RNF144B: variants seen among roughly 807,000 people sequenced by gnomAD.
The protein encoded by RNF144B is E3 ubiquitin-protein ligase RNF144B.
Under a neutral mutation model 40.2 loss-of-function variants are expected in RNF144B, and 25 were observed. That is an observed-to-expected ratio of 0.62 (90% confidence interval 0.45 to 0.87). The LOEUF (loss-of-function observed/expected upper bound fraction) is 0.87, where lower values mean the gene tolerates loss of function less well. Ranked by LOEUF, RNF144B falls within the 40% of genes least tolerant of loss-of-function variation. The probability of loss-of-function intolerance (pLI) is 0.00; values close to 1 mark genes in which losing one functional copy is unlikely to be tolerated. For synonymous variants in RNF144B, 145 were observed against 136.3 expected (o/e 1.06, Z -0.44); for missense variants, 365 against 373.7 (o/e 0.98, Z 0.19).
At position 18,458,494 on chromosome 6, in the gene RNF144B, T is replaced by A. The variant is rs922376280; in HGVS notation, c.537-1113T>A. On this transcript the variant is annotated intron_variant, in intron 5 of 7. Coordinates refer to ENST00000259939, the MANE Select transcript of RNF144B (RefSeq NM_182757.4). This position sits in a 1 kb window ranked among gnomAD's most constrained non-coding sequence, Gnocchi z 4.8. ...AGAGGAATAGAGAAGCTAATACACA[T>A]GGCAGGCATGTGCCCTCTTAGCCGG... Among the ~76,000 whole-genome samples, 1 of 152,194 alleles carries A rather than the reference T, an allele frequency of 6.6e-6. No homozygotes were observed. The highest frequency in any genetic ancestry group is 1.5e-5 in the Non-Finnish European group (1 of 68,032).
Position 18,405,243 on chromosome 6 carries a change from G to A in RNF144B, c.165+5544G>A, listed in dbSNP as rs556224571. ...GGCTGGAGTGCAGTGGCACAATCTC[G>A]GCTCACTGTAACTTCCGCCTCCCGG... On this transcript the variant is annotated intron_variant, in intron 2 of 7. Coordinates refer to ENST00000259939, the MANE Select transcript of RNF144B (RefSeq NM_182757.4). The surrounding 1 kb of genome is among the most constrained non-coding windows in gnomAD (Gnocchi z 4.5). Among the ~76,000 whole-genome samples the A allele has an allele frequency of 5.3e-5, 8 of 151,548 alleles. No individual in the cohort carries two copies. Among genetic ancestry groups the A allele is most frequent in the African/African-American group, 1.2e-4 (5 of 41,288 alleles).
At chr6:18,433,237 G>A (rs76071145) in intron 3 of RNF144B, among the ~76,000 whole-genome samples, 1,659 of 152,298 alleles carry the variant, frequency 0.011, 22 homozygotes, top group Middle Eastern at 0.027. Context: ...TGTGGTGTAA[G>A]GATCTGAATG....
chr6:18,437,648 C>A (rs952188598), intron 3 of RNF144B, among the ~76,000 whole-genome samples: 3 of 152,126 alleles, frequency 2.0e-5, no homozygotes, highest in African/African-American at 7.2e-5. Context: ...AATGAGAAAT[C>A]CAAAGTACCA....
rs565034063 is a variant in RNF144B at position 18,443,610 on chromosome 6, C to A, written c.331+3866C>A. ...TTGTAATCGTGTAATTCTTCATTAC[C>A]ATCCGTTATAATTATTATTGGAAAA... On this transcript the variant is annotated intron_variant, in intron 4 of 7. Transcript: ENST00000259939. The surrounding 1 kb of genome is among the most constrained non-coding windows in gnomAD (Gnocchi z 4.7). Among the ~76,000 whole-genome samples, 3 of 151,826 alleles carry A rather than the reference C, an allele frequency of 2.0e-5. No homozygotes were observed. The South Asian group carries it at 6.3e-4, about 32-fold the overall frequency.
chr6:18,395,218 C>T lies in RNF144B; in HGVS notation c.-36-4281C>T, dbSNP rs1432906311. Among the ~76,000 whole-genome samples, 1 of 152,142 alleles carries T rather than the reference C, an allele frequency of 6.6e-6. No homozygotes were observed. The highest frequency in any genetic ancestry group is 2.4e-5 in the African/African-American group (1 of 41,438). ...TTTGATAGAAATGTGAGGTATGAGG[C>T]AGTAGGAGTGAGTTAGCCTCTTTCT... is the stretch of plus-strand genomic sequence containing the variant. On this transcript the variant is annotated intron_variant, in intron 1 of 7. Transcript: ENST00000259939. The surrounding 1 kb of genome is among the most constrained non-coding windows in gnomAD (Gnocchi z 4.5).
In RNF144B at chr6:18,400,524, G is replaced by A. The variant is rs1383699420; in HGVS notation, c.165+825G>A. On this transcript the variant is annotated intron_variant, in intron 2 of 7. Transcript: ENST00000259939. The surrounding 1 kb of genome is among the most constrained non-coding windows in gnomAD (Gnocchi z 5.6). ...GAGAGCCCTATAGACCTGCAGAAGT[G>A]GGCTTATCTCTTTTAGTGTGACACC... 6.6e-6 allele frequency among the ~76,000 whole-genome samples: 1 copy of A among 152,098 alleles called. No homozygotes were observed. Among genetic ancestry groups the A allele is most frequent in the Admixed American group, 6.6e-5 (1 of 15,264 alleles).
rs1476532914 is a variant in RNF144B, at chr6:18,463,315, G to C, written c.706G>C (p.Asp236His). ...GAATGACATTTTCCTCAGACATTAT[G>C]ACAAAGGGCCATGCAGGAATAAACT... ...LDNDIFLRHY[D>H]KGPCRNKLGH... Residue 236 changes from aspartate to histidine, a missense_variant, in exon 7 of 8, where the codon GAC (aspartate) becomes CAC (histidine). Transcript: ENST00000259939. 6.2e-7 allele frequency: 1 copy of C among 1,607,826 alleles called. No individual in the cohort carries two copies. Among genetic ancestry groups the C allele is most frequent in the African/African-American group, 1.3e-5 (1 of 74,766 alleles).
At position 18,466,584 on chromosome 6, in the gene RNF144B, A is replaced by G. The variant is rs1265063435; in HGVS notation, c.*1517A>G. On this transcript the variant is annotated 3_prime_UTR_variant, in exon 8 of 8. Coordinates refer to ENST00000259939, the MANE Select transcript of RNF144B (RefSeq NM_182757.4). ...ATTATATAATTGCTATTGGCAATGT[A>G]GCCTGGTGCTTCATGAGACCTATGC... The G allele has an allele frequency of 6.5e-6, 1 of 152,674 alleles. No homozygotes were observed. The highest frequency in any genetic ancestry group is 1.5e-5 in the Non-Finnish European group (1 of 68,044). The allele number at this position is 152,674 out of a possible 1,614,324, so 9.5% of individuals were successfully genotyped here. A position where few individuals can be genotyped will look rare whatever the true frequency, so the allele number is the denominator to read the frequency against.
At chr6:18,463,504 G>T in intron 7 of RNF144B, 124 bp downstream of exon 7, 1 of 662,466 alleles carries the variant, frequency 1.5e-6, no homozygotes. Context: ...AGCTTCTGGG[G>T]AGTGTTAGGG....
intron 1 of RNF144B, among the ~76,000 whole-genome samples, chr6:18,392,272 T>A (rs1461134289): frequency 6.6e-6 from 1 of 152,138 alleles, no homozygotes; most frequent in Non-Finnish European, 1.5e-5. Flanking sequence ...TATCACAACG[T>A]CATGTACATT....
rs1414751830 is a variant in RNF144B, at chr6:18,466,020, A to G, written c.*953A>G. Reference sequence around the variant, plus strand: ...ATTATGTACATCTAGAATCCATGTGACTTGCAGCCTACCTGTAATTTCTAT... The same window carrying G: ...ATTATGTACATCTAGAATCCATGTGGCTTGCAGCCTACCTGTAATTTCTAT... On this transcript the variant is annotated 3_prime_UTR_variant, in exon 8 of 8. Coordinates refer to ENST00000259939, the MANE Select transcript of RNF144B (RefSeq NM_182757.4). 1 of 152,222 alleles carries G rather than the reference A, an allele frequency of 6.6e-6. No homozygotes were observed. Among genetic ancestry groups the G allele is most frequent in the Non-Finnish European group, 1.5e-5 (1 of 68,034 alleles). 9.4% of individuals were successfully genotyped at this position (152,222 alleles called of 1,614,324 possible). A position where few individuals can be genotyped will look rare whatever the true frequency, so the allele number is the denominator to read the frequency against.
intron 2 of RNF144B, among the ~76,000 whole-genome samples, chr6:18,423,369 A>G (rs1758479881): frequency 6.6e-6 from 1 of 152,150 alleles, no homozygotes; most frequent in Admixed American, 6.5e-5. Flanking sequence ...AGAAAAAAAA[A>G]CTTTAGGTAG....
intron 2 of RNF144B, among the ~76,000 whole-genome samples, chr6:18,401,343 G>A (rs147436927): frequency 5.9e-5 from 9 of 152,284 alleles, no homozygotes; most frequent in African/African-American, 2.2e-4. Flanking sequence ...TTGAGGGTAG[G>A]AGTTAGTACA....
rs1342724659 is a variant in RNF144B at position 18,460,312 on chromosome 6, C to A, written c.681+561C>A. 6.6e-6 allele frequency among the ~76,000 whole-genome samples: 1 copy of A among 152,154 alleles called. No homozygotes were observed. Among genetic ancestry groups the A allele is most frequent in the Non-Finnish European group, 1.5e-5 (1 of 68,034 alleles). On this transcript the variant is annotated intron_variant, in intron 6 of 7. Transcript: ENST00000259939. This position sits in a 1 kb window ranked among gnomAD's most constrained non-coding sequence, Gnocchi z 4.4. ...ACTCCCTTCTTTCTTAGTCGTTGCT[C>A]CCTCTGACCACAGCTGGGAAAGGTT...
In RNF144B at chr6:18,457,232, C is replaced by T. The variant is rs745898014; in HGVS notation, c.409C>T (p.Pro137Ser). ...QTVCPVASSD[P>S]GQPVLVECPS... The stretch of plus-strand genomic sequence containing the variant: ...AGTGTGCCCTGTTGCCTCGAGTGAC[C>T]CAGGACAGCCTGTGCTGGTGGAATG... Residue 137 changes from proline to serine, a missense_variant, in exon 5 of 8, where the codon CCA (proline) becomes TCA (serine). Coordinates refer to ENST00000259939, the MANE Select transcript of RNF144B (RefSeq NM_182757.4). The surrounding 1 kb of genome is among the most constrained non-coding windows in gnomAD (Gnocchi z 5.1). The T allele has an allele frequency of 5.0e-6, 8 of 1,613,914 alleles. No homozygotes were observed. In the East Asian group the frequency reaches 6.7e-5, roughly 13 times the overall value.
At chr6:18,397,777 A>G (rs1794722460) in intron 1 of RNF144B, among the ~76,000 whole-genome samples, 1 of 151,964 alleles carries the variant, frequency 6.6e-6, no homozygotes, top group East Asian at 1.9e-4. Flanking sequence ...TGATATCCAC[A>G]CAAGGCAGCT....
At chr6:18,438,722 T>G (rs1335646543) in intron 3 of RNF144B, among the ~76,000 whole-genome samples, 2 of 152,090 alleles carry the variant, frequency 1.3e-5, no homozygotes, top group South Asian at 4.1e-4. Flanking sequence ...AGAACGTCAA[T>G]GTAGGTGTGT....
At chr6:18,407,557 G>A (rs991919642) in intron 2 of RNF144B, among the ~76,000 whole-genome samples, 2 of 152,172 alleles carry the variant, frequency 1.3e-5, no homozygotes, top group Admixed American at 1.3e-4. Context: ...ACATACCATA[G>A]TACTGACTAT....
Position 18,456,489 on chromosome 6 carries a change from G to T in RNF144B, c.332-666G>T, listed in dbSNP as rs1298737352. Among the ~76,000 whole-genome samples the T allele has an allele frequency of 2.6e-5, 4 of 152,188 alleles. No individual in the cohort carries two copies. Among genetic ancestry groups the T allele is most frequent in the African/African-American group, 9.7e-5 (4 of 41,438 alleles). The stretch of plus-strand genomic sequence containing the variant: ...CTTTTTATGTCCAATTCTCTTCCAA[G>T]ATAGTGCCCAAATAATTGTAGAAGG... On this transcript the variant is annotated intron_variant, in intron 4 of 7. Coordinates refer to ENST00000259939, the MANE Select transcript of RNF144B (RefSeq NM_182757.4). The surrounding 1 kb of genome is among the most constrained non-coding windows in gnomAD (Gnocchi z 4.7).
Sources: gnomAD v4.1 joint callset for allele counts (sites outside exome capture counted in the v4.1 genomes callset) on GRCh38, gnomAD v4.1.1 for gene constraint, Gnocchi (gnomAD v3.1) non-coding constraint, MANE v1.5 for transcripts, NCBI Gene and HGNC (gene_info 2026-07-23, HGNC 2026-07-21) for gene names.